CCDC7: variants seen among roughly 807,000 people sequenced by gnomAD.
CCDC7 encodes the protein coiled-coil domain-containing protein 7.
CCDC7 carries 183 observed loss-of-function variants against 196.9 expected under a neutral mutation model. The ratio of observed to expected loss-of-function variants is 0.93; its 90% CI spans 0.82 to 1.05. The LOEUF is 1.05. Ranked by LOEUF, CCDC7 falls within the 50% of genes least tolerant of loss-of-function variation. The probability of loss-of-function intolerance (pLI) is 0.00; values close to 1 mark genes in which losing one functional copy is unlikely to be tolerated. For synonymous variants in CCDC7, 525 were observed against 484.6 expected, an observed-to-expected ratio of 1.08 and a Z score of -1.10; for missense variants, 1,540 against 1,482.2, an observed-to-expected ratio of 1.04 and a Z score of -0.64.
intron 11 of CCDC7, among the ~76,000 whole-genome samples, chr10:32,535,183 G>T (rs531146545): frequency 6.6e-5 from 10 of 151,782 alleles, no homozygotes; most frequent in Admixed American, 2.0e-4. Flanking sequence ...GTTCTGGGTT[G>T]TTGCTGGTGA....
intron 20 of CCDC7, among the ~76,000 whole-genome samples, chr10:32,654,054 T>G (rs2069292875): frequency 6.6e-6 from 1 of 152,198 alleles, no homozygotes; most frequent in Admixed American, 6.5e-5. Flanking sequence ...TAATTTCAAC[T>G]TATTTGTCTT....
upstream of CCDC7, among the ~76,000 whole-genome samples, chr10:32,450,883 A>G (rs1251860516): frequency 6.6e-6 from 1 of 152,126 alleles, no homozygotes; most frequent in Non-Finnish European, 1.5e-5. Flanking sequence ...TTCCCATTCT[A>G]AATGCCCCAT....
chr10:32,611,574 A>T (rs909157664), intron 18 of CCDC7, among the ~76,000 whole-genome samples: 1 of 152,158 alleles, frequency 6.6e-6, no homozygotes, highest in Non-Finnish European at 1.5e-5. Context: ...TAAGTCTTTA[A>T]TCCATCTTGA....
intron 5 of CCDC7, among the ~76,000 whole-genome samples, chr10:32,467,539 C>T (rs2037091522): frequency 6.6e-6 from 1 of 152,132 alleles, no homozygotes; most frequent in African/African-American, 2.4e-5. Context: ...TTCTAGGTTG[C>T]CTGTTTACTC....
chr10:32,456,405 T>C (rs1161865494), intron 3 of CCDC7, 71 bp downstream of exon 4: 21 of 1,263,828 alleles, frequency 1.7e-5, no homozygotes, highest in Non-Finnish European at 2.1e-5. Context: ...TTGAATCTGC[T>C]ATCCAGTCAG....
chr10:32,617,787 T>A (rs917751411), intron 18 of CCDC7, among the ~76,000 whole-genome samples: 1 of 147,258 alleles, frequency 6.8e-6, no homozygotes, highest in Non-Finnish European at 1.5e-5. Context: ...TAGAGTGTTC[T>A]GTAAATGTCT....
rs144098793 is a variant in CCDC7, at chr10:32,832,361, G to C, written c.3269-2454G>C. Among the ~76,000 whole-genome samples the C allele has an allele frequency of 7.9e-3, 1,202 of 152,068 alleles. 6 individuals carry two copies. Among genetic ancestry groups the C allele is most frequent in the Middle Eastern group, 0.02 (6 of 294 alleles). ...TCTACTAAAATACAAAAATTAGCTG[G>C]GCATGGTGGTGCGGGCCTGTAATCC... On this transcript the variant is annotated intron_variant, in intron 32 of 41. Coordinates refer to ENST00000639629, the Ensembl canonical transcript of CCDC7.
In CCDC7 at chr10:32,644,886, A is replaced by G. The variant is rs1851038; in HGVS notation, c.2014+9728A>G. Among the ~76,000 whole-genome samples, 1,131 of 152,324 alleles carry G rather than the reference A, an allele frequency of 7.4e-3. 15 individuals are homozygous for G. Among genetic ancestry groups the G allele is most frequent in the African/African-American group, 0.026 (1,091 of 41,572 alleles). ...TTACAGATCTGTCTTTATCAGCAAC[A>G]TGAAAGTGTACGAATACAACTGGAT... On this transcript the variant is annotated intron_variant, in intron 20 of 41. Transcript: ENST00000639629.
At chr10:32,554,235 C>G (rs924209788) in intron 13 of CCDC7, among the ~76,000 whole-genome samples, 7 of 152,244 alleles carry the variant, frequency 4.6e-5, no homozygotes, top group African/African-American at 1.7e-4. Flanking sequence ...TTGCTCCAAG[C>G]TACCCGCCTT....
chr10:32,700,425 G>C (rs536791853), intron 24 of CCDC7, among the ~76,000 whole-genome samples: 2 of 150,496 alleles, frequency 1.3e-5, no homozygotes, highest in East Asian at 1.9e-4. Flanking sequence ...TCTCTGTTTT[G>C]GTACCAGTAC....
chr10:32,517,846 TACTG>T, intron 9 of CCDC7, 95 bp from the exon 11 acceptor site: 1 of 1,361,884 alleles, frequency 7.3e-7, no homozygotes, highest in Non-Finnish European at 1.0e-6. Context: ...AGCAACTAAT[TACTG>T]AATACCAAAA....
At chr10:32,613,278 C>T (rs1415286415) in intron 18 of CCDC7, among the ~76,000 whole-genome samples, 2 of 151,946 alleles carry the variant, frequency 1.3e-5, no homozygotes, top group East Asian at 1.9e-4. Context: ...TCCCCTTTAT[C>T]GATTTTATTG....
chr10:32,767,460 C>A (rs571299610), intron 28 of CCDC7, among the ~76,000 whole-genome samples: 4 of 152,212 alleles, frequency 2.6e-5, no homozygotes, highest in South Asian at 2.1e-4. Context: ...AATTAAAAAA[C>A]CAAAATAGAA....
chr10:32,833,346 C>CT (rs150655306), intron 32 of CCDC7, among the ~76,000 whole-genome samples: 30 of 23,968 alleles, frequency 1.3e-3, no homozygotes, highest in Non-Finnish European at 1.8e-3. Context: ...ATATATTACC[C>CT]TTTTTTTAAA....
intron 9 of CCDC7, chr10:32,499,526 G>A (rs1408697729): frequency 1.3e-5 from 2 of 151,676 alleles, no homozygotes; most frequent in Admixed American, 6.6e-5. Flanking sequence ...CCCAACCATG[G>A]TCATTATGGG....
chr10:32,755,361 C>A (rs1229165937), intron 28 of CCDC7, among the ~76,000 whole-genome samples: 1 of 152,142 alleles, frequency 6.6e-6, no homozygotes, highest in Non-Finnish European at 1.5e-5. Flanking sequence ...CTGGGAGATA[C>A]CTCCCAGTAG....
At chr10:32,815,003 G>A (rs777916510) in intron 31 of CCDC7, among the ~76,000 whole-genome samples, 15 of 152,004 alleles carry the variant, frequency 9.9e-5, no homozygotes, top group Non-Finnish European at 1.8e-4. Context: ...ACACTGTAGA[G>A]GAAAGAGACT....
At chr10:32,726,982 A>G (rs1669932355) in intron 26 of CCDC7, 150 bp downstream of exon 27, 1 of 523,524 alleles carries the variant, frequency 1.9e-6, no homozygotes, top group Non-Finnish European at 3.3e-6. Flanking sequence ...GTAGAGAGCA[A>G]AAATGAAAAT....
intron 18 of CCDC7, among the ~76,000 whole-genome samples, chr10:32,620,083 C>T (rs1294398665): frequency 4.0e-5 from 6 of 151,778 alleles, no homozygotes; most frequent in South Asian, 2.1e-4. Flanking sequence ...CCACCACACT[C>T]GGCTAATTTT....
Sources: allele counts gnomAD v4.1 joint callset (sites outside exome capture counted in the v4.1 genomes callset), GRCh38; gene constraint gnomAD v4.1.1; transcripts MANE v1.5; gene names NCBI Gene and HGNC (gene_info 2026-07-23, HGNC 2026-07-21).